Variants in PCSK5 observed in about 807,000 individuals in gnomAD.
The protein encoded by PCSK5 is proprotein convertase subtilisin/kexin type 5.
PCSK5 carries 129 observed loss-of-function variants against 233.2 expected under a neutral mutation model. That is an observed-to-expected ratio of 0.55 (90% CI 0.48 to 0.64). The LOEUF (loss-of-function observed/expected upper bound fraction) is 0.64. PCSK5 is among the 30% of genes least tolerant of loss of function. PCSK5 has a pLI of 0.00. For synonymous variants in PCSK5, 825 were observed against 879.2 expected (o/e 0.94, Z 1.09); for missense variants, 2,076 against 2,430.1 (o/e 0.85, Z 3.06).
Position 76,184,738 on chromosome 9 carries a change from G to A in PCSK5, c.2263G>A (p.Glu755Lys). ...KTCTEFHNCT[E>K]CRDGLSLQGS... ...ATGTACTGAATTCCATAACTGTACA[G>A]AATGTAGGGATGGGTTAAGGTAAGA... The change falls in exon 17 of 38, where the codon GAA becomes AAA. Residue 755 changes from glutamate (E) to lysine (K), a missense_variant. This residue lies in a region of PCSK5 where 1,510 missense variants were observed against 1,538.1 expected (regional missense o/e 0.98). Coordinates refer to ENST00000674117, the MANE Select transcript of PCSK5 (RefSeq NM_001372043.1). 1 of 1,604,044 alleles carries A rather than the reference G, an allele frequency of 6.2e-7. No individual in the cohort carries two copies. The highest frequency in any genetic ancestry group is 1.1e-5 in the South Asian group (1 of 90,716).
intron 24 of PCSK5, among the ~76,000 whole-genome samples, chr9:76,279,005 G>A (rs919460230): frequency 1.3e-5 from 2 of 150,878 alleles, no homozygotes; most frequent in Non-Finnish European, 2.9e-5. Context: ...CTGGTGCGCT[G>A]CACCCACTAA....
chr9:76,215,149 A>G (rs1438694498), intron 20 of PCSK5, among the ~76,000 whole-genome samples: 1 of 152,204 alleles, frequency 6.6e-6, no homozygotes, highest in Non-Finnish European at 1.5e-5. Flanking sequence ...ATCCCTGCCC[A>G]TTTTGGCAAA....
chr9:75,950,315 A>G (rs1824797722), intron 2 of PCSK5, among the ~76,000 whole-genome samples: 1 of 152,170 alleles, frequency 6.6e-6, no homozygotes, highest in Non-Finnish European at 1.5e-5. Flanking sequence ...GGAATATATC[A>G]GGCAACAGAG....
chr9:76,327,608 A>C (rs1474899541), intron 32 of PCSK5, among the ~76,000 whole-genome samples: 1 of 152,162 alleles, frequency 6.6e-6, no homozygotes, highest in African/African-American at 2.4e-5. Context: ...ATTCGTGATA[A>C]GCTCAAGGTA....
chr9:76,126,835 C>A lies in PCSK5; in HGVS notation c.1209-7274C>A, dbSNP rs538937062. 1.4e-4 allele frequency among the ~76,000 whole-genome samples: 21 copies of A among 152,200 alleles called. No homozygotes were observed. In the South Asian group the frequency reaches 4.4e-3, roughly 32 times the overall value. On this transcript the variant is annotated intron_variant, in intron 9 of 37. Coordinates refer to ENST00000674117, the MANE Select transcript of PCSK5 (RefSeq NM_001372043.1). Reference sequence around the variant, plus strand: ...ACGATGAGAGATTACCTAAGGGGTACAGCATACTTTATTTGGGTGATCGAT... The same window carrying A: ...ACGATGAGAGATTACCTAAGGGGTAAAGCATACTTTATTTGGGTGATCGAT...
intron 8 of PCSK5, among the ~76,000 whole-genome samples, chr9:76,104,213 C>T (rs535770444): frequency 6.6e-6 from 1 of 152,272 alleles, no homozygotes; most frequent in Non-Finnish European, 1.5e-5. Context: ...TTAGATCTTT[C>T]CAGTAATTTA....
intron 5 of PCSK5, among the ~76,000 whole-genome samples, chr9:76,060,464 A>C (rs1418922635): frequency 6.6e-6 from 1 of 152,150 alleles, no homozygotes; most frequent in East Asian, 1.9e-4. Flanking sequence ...GAATAGGCTG[A>C]GGAGGAAGAG....
chr9:76,351,533 G>GAAGGAAAGA (rs1830157574), intron 36 of PCSK5, among the ~76,000 whole-genome samples: 1 of 15,824 alleles, frequency 6.3e-5, no homozygotes, highest in African/African-American at 1.0e-4. Context: ...AGAAAGAAAG[G>GAAGGAAAGA]AAGGAAAGAA....
intron 10 of PCSK5, among the ~76,000 whole-genome samples, chr9:76,150,823 G>A (rs111959900): frequency 0.014 from 2,088 of 152,180 alleles, 51 homozygotes; most frequent in African/African-American, 0.047. Context: ...GCGAAGAAGA[G>A]GTAGCGGAGG....
At chr9:75,994,396 C>CTT (rs1826907729) in intron 3 of PCSK5, among the ~76,000 whole-genome samples, 2 of 68,328 alleles carry the variant, frequency 2.9e-5, no homozygotes, top group African/African-American at 5.4e-5. Flanking sequence ...TTCTTTCTTT[C>CTT]TTTCTTTTTT....
At chr9:76,315,048 G>T (rs1291781634) in intron 30 of PCSK5, among the ~76,000 whole-genome samples, 1 of 151,914 alleles carries the variant, frequency 6.6e-6, no homozygotes, top group African/African-American at 2.4e-5. Context: ...TACCTCCCAG[G>T]TTGAAGCAAT....
intron 24 of PCSK5, among the ~76,000 whole-genome samples, chr9:76,266,527 T>C (rs1030776875): frequency 1.3e-5 from 2 of 152,190 alleles, no homozygotes; most frequent in Non-Finnish European, 2.9e-5. Context: ...GCAGTGTTTT[T>C]ATGGAAATTG....
chr9:76,034,107 C>G (rs1171460575), intron 5 of PCSK5, among the ~76,000 whole-genome samples: 1 of 152,072 alleles, frequency 6.6e-6, no homozygotes, highest in East Asian at 1.9e-4. Flanking sequence ...TGGCCTCCCA[C>G]GGAAAATTGC....
At chr9:76,132,871 C>T (rs7853818) in intron 9 of PCSK5, among the ~76,000 whole-genome samples, 86,333 of 151,686 alleles carry the variant, frequency 0.57, 24,829 homozygotes, top group Non-Finnish European at 0.61. Flanking sequence ...TAGAAGGCCG[C>T]CCTGACCACC....
chr9:76,062,027 A>T (rs1830046439), intron 5 of PCSK5, among the ~76,000 whole-genome samples: 1 of 152,164 alleles, frequency 6.6e-6, no homozygotes, highest in South Asian at 2.1e-4. Flanking sequence ...TGTGAAATTC[A>T]CTTGAGGCCA....
chr9:75,938,408 C>T (rs920643064), intron 2 of PCSK5, among the ~76,000 whole-genome samples: 1 of 152,166 alleles, frequency 6.6e-6, no homozygotes, highest in Non-Finnish European at 1.5e-5. Context: ...CACCCTAAAA[C>T]AATTACAATA....
chr9:76,352,724 A>G (rs1380870396), intron 36 of PCSK5, among the ~76,000 whole-genome samples: 2 of 152,162 alleles, frequency 1.3e-5, no homozygotes, highest in East Asian at 3.9e-4. Flanking sequence ...AAATCTCCCC[A>G]TGATGAAATT....
In PCSK5 at chr9:76,159,116, C is replaced by G. The variant is rs1224912699; in HGVS notation, c.1564C>G (p.Leu522Val). 2 of 1,614,172 alleles carry G rather than the reference C, an allele frequency of 1.2e-6. No individual in the cohort carries two copies. The highest frequency in any genetic ancestry group is 1.7e-6 in the Non-Finnish European group (2 of 1,180,012). The change falls in exon 12 of 38, where the codon CTG (leucine) becomes GTG (valine). Residue 522 changes from leucine to valine, a missense_variant. Physicochemically the swap from Leu to Val is conservative, Grantham distance 32 (BLOSUM62 1). Around this residue, in one of 6 missense-constraint regions of PCSK5, gnomAD observed 50 missense variants for 104.7 expected, o/e 0.48. Coordinates refer to ENST00000674117, the MANE Select transcript of PCSK5 (RefSeq NM_001372043.1). ...CATCACCCACCCCAGGAGAGGAGAC[C>G]TGGCCATCTACCTGACCTCGCCCTC... Reference protein sequence around the residue: ...ITITHPRRGDLAIYLTSPSGT... With the variant: ...ITITHPRRGDVAIYLTSPSGT...
intron 12 of PCSK5, among the ~76,000 whole-genome samples, chr9:76,161,155 G>A (rs899393669): frequency 7.2e-5 from 11 of 152,324 alleles, no homozygotes; most frequent in East Asian, 1.9e-4. Flanking sequence ...TTCCATTAGT[G>A]TATGGGAAAC....
Sources: gnomAD v4.1 joint callset for allele counts (sites outside exome capture counted in the v4.1 genomes callset) on GRCh38, gnomAD v4.1.1 for gene constraint, gnomAD v4.1.1 regional missense constraint, MANE v1.5 for transcripts, NCBI Gene and HGNC (gene_info 2026-07-23, HGNC 2026-07-21) for gene names.